PLEKHH2: variants seen among roughly 807,000 people sequenced by gnomAD.
PLEKHH2 encodes pleckstrin homology domain-containing family H member 2.
In PLEKHH2, 129 loss-of-function variants were observed where a neutral mutation model predicts 187.9. The ratio of observed to expected loss-of-function variants is 0.69; its 90% CI spans 0.59 to 0.79. PLEKHH2 has a LOEUF of 0.79. PLEKHH2 is among the 30% of genes least tolerant of loss of function. The pLI, the probability that PLEKHH2 is intolerant of heterozygous loss-of-function variation, is 0.00. For missense variants in PLEKHH2, 2,076 were observed against 1,751.2 expected (o/e 1.19, Z -3.31); for synonymous variants, 686 against 605.6 (o/e 1.13, Z -1.95).
intron 15 of PLEKHH2, among the ~76,000 whole-genome samples, chr2:43,713,968 T>C (rs1303985419): frequency 6.6e-6 from 1 of 152,208 alleles, no homozygotes; most frequent in African/African-American, 2.4e-5. Context: ...AAATATACTA[T>C]GTACTATGTT....
At chr2:43,726,518 T>C in intron 17 of PLEKHH2, 67 bp downstream of exon 17, 1 of 1,418,698 alleles carries the variant, frequency 7.0e-7, no homozygotes, top group Non-Finnish European at 9.7e-7. Flanking sequence ...TTGGTAATAA[T>C]TATCAAATCA....
intron 9 of PLEKHH2, among the ~76,000 whole-genome samples, chr2:43,704,964 C>T (rs1669584779): frequency 6.6e-6 from 1 of 152,144 alleles, no homozygotes; most frequent in South Asian, 2.1e-4. Context: ...GGCATTTCAG[C>T]TGTTTAAAAT....
intron 29 of PLEKHH2, 130 bp downstream of exon 29, chr2:43,764,495 G>T: frequency 1.1e-6 from 1 of 907,414 alleles, no homozygotes; most frequent in Non-Finnish European, 1.6e-6. Context: ...CATTCCAGAT[G>T]GGAAAACAGA....
At chr2:43,670,137 G>A (rs1296933085) in intron 2 of PLEKHH2, among the ~76,000 whole-genome samples, 1 of 115,930 alleles carries the variant, frequency 8.6e-6, no homozygotes, top group African/African-American at 3.2e-5. Context: ...TAGGTATTTA[G>A]GCAAAAACAA....
At chr2:43,679,538 C>G in intron 3 of PLEKHH2, 1 of 330,528 alleles carries the variant, frequency 3.0e-6, no homozygotes, top group Admixed American at 4.3e-5. Flanking sequence ...CTCTGTGGCC[C>G]AGGCTGGAGT....
chr2:43,681,026 A>G, intron 3 of PLEKHH2: 1 of 1,280,724 alleles, frequency 7.8e-7, no homozygotes, highest in Non-Finnish European at 1.1e-6. Flanking sequence ...TTCCCTCAGA[A>G]TGCCAACTGG....
In PLEKHH2 at chr2:43,675,358, CTAT is replaced by C. The variant is rs1667694581; in HGVS notation, c.124-3500_124-3498del. 1.9e-6 allele frequency: 3 copies of C among 1,540,888 alleles called. No homozygotes were observed. In the South Asian group the frequency reaches 3.9e-5, roughly 20 times the overall value. ...TCAAGTGCTCTTGGACAGCACAGGT[CTAT>C]TATTCTCCAGGCCTCAGTCATTTTC... is the stretch of plus-strand genomic sequence containing the variant. On this transcript the variant is annotated intron_variant, in intron 2 of 29. Transcript: ENST00000282406.
At chr2:43,676,107 A>G in intron 2 of PLEKHH2, 2 of 1,613,948 alleles carry the variant, frequency 1.2e-6, no homozygotes, top group Non-Finnish European at 1.7e-6. Context: ...CAAAGATGAT[A>G]CAGAAAACAC....
rs1669274956 is a variant in PLEKHH2, at chr2:43,699,965, T to G, written c.1007T>G (p.Phe336Cys). 1 of 1,614,008 alleles carries G rather than the reference T, an allele frequency of 6.2e-7. No homozygotes were observed. The highest frequency in any genetic ancestry group is 1.3e-5 in the African/African-American group (1 of 74,902). The change falls in exon 8 of 30, where the codon TTT becomes TGT. Residue 336 changes from phenylalanine (F) to cysteine (C), a missense_variant. Physicochemically the swap from Phe to Cys is radical, Grantham distance 205 (BLOSUM62 -2). Transcript: ENST00000282406. ...LTASDDSSSI[F>C]EEETFGIKRP... ...GCATCTGATGACAGCAGCTCTATAT[T>G]TGAGGAAGAGACTTTTGGCATAAAG...
chr2:43,726,389 A>G lies in PLEKHH2; in HGVS notation c.2659A>G (p.Ile887Val), dbSNP rs1166621692. The G allele has an allele frequency of 3.1e-6, 5 of 1,611,332 alleles. No individual in the cohort carries two copies. In the South Asian group the frequency reaches 5.5e-5, roughly 18 times the overall value. ...AAGTCTGTTATCCACACATTATACT[A>G]TCGTTATCCATCCCAAAGACCAAGG... ...GRSLLSTHYTIVIHPKDQGPT... is the reference protein window; with the variant it reads ...GRSLLSTHYTVVIHPKDQGPT... Residue 887 changes from isoleucine (I) to valine (V), a missense_variant, in exon 17 of 30, where the codon ATC (isoleucine) becomes GTC (valine). Transcript: ENST00000282406.
rs1669289016 is a variant in PLEKHH2 at position 43,700,169 on chromosome 2, C to T, written c.1211C>T (p.Ala404Val). The change falls in exon 8 of 30, where the codon GCC becomes GTC. Residue 404 changes from alanine to valine, a missense_variant. Ala to Val is a moderately conservative substitution (Grantham distance 64). Coordinates refer to ENST00000282406, the MANE Select transcript of PLEKHH2 (RefSeq NM_172069.4). ...GATTATTCATCTTCATCGAGTGAAG[C>T]CAACACCCCAAGCCCTATTTTGACC... The part of the protein sequence containing the change: ...RLDYSSSSSE[A>V]NTPSPILTPA... The T allele has an allele frequency of 2.5e-6, 4 of 1,614,038 alleles. No homozygotes were observed. Among genetic ancestry groups the T allele is most frequent in the African/African-American group, 2.7e-5 (2 of 74,986 alleles).
At chr2:43,758,221 A>G (rs1160048115) in intron 26 of PLEKHH2, among the ~76,000 whole-genome samples, 3 of 152,126 alleles carry the variant, frequency 2.0e-5, no homozygotes, top group Non-Finnish European at 4.4e-5. Flanking sequence ...CTAAAATTCT[A>G]CCATCAGGGA....
At chr2:43,650,779 G>A (rs902265352) in intron 2 of PLEKHH2, among the ~76,000 whole-genome samples, 3 of 151,716 alleles carry the variant, frequency 2.0e-5, no homozygotes, top group African/African-American at 7.3e-5. Context: ...CCAAGTAGCT[G>A]GGACTACAGT....
chr2:43,638,037 T>C (rs1304821614), intron 1 of PLEKHH2, among the ~76,000 whole-genome samples: 1 of 152,182 alleles, frequency 6.6e-6, no homozygotes, highest in Non-Finnish European at 1.5e-5. Context: ...GTGGGCTACC[T>C]GAGGGTCACT....
chr2:43,678,446 G>A (rs1046924434), intron 2 of PLEKHH2, among the ~76,000 whole-genome samples: 6 of 152,220 alleles, frequency 3.9e-5, no homozygotes, highest in African/African-American at 1.4e-4. Flanking sequence ...ACGAGGCTCC[G>A]TCTGCAATCC....
intron 2 of PLEKHH2, among the ~76,000 whole-genome samples, chr2:43,678,440 G>A (rs531385788): frequency 9.2e-5 from 14 of 152,342 alleles, no homozygotes; most frequent in African/African-American, 3.1e-4. Context: ...GAGTGAACGA[G>A]GCTCCGTCTG....
chr2:43,638,765 T>G (rs1558394952), intron 1 of PLEKHH2, among the ~76,000 whole-genome samples: 1 of 152,056 alleles, frequency 6.6e-6, no homozygotes, highest in African/African-American at 2.4e-5. Flanking sequence ...AAATTAGAAT[T>G]TTTAACTACC....
Position 43,641,933 on chromosome 2 carries a change from C to A in PLEKHH2, c.-3-2738C>A, listed in dbSNP as rs527371729. On this transcript the variant is annotated intron_variant, in intron 1 of 29. Coordinates refer to ENST00000282406, the MANE Select transcript of PLEKHH2 (RefSeq NM_172069.4). ...AAATAGTAACATGTGAGTCCTCCAA[C>A]TTTTCAATTTTATTTTGTCTATTCT... is the stretch of plus-strand genomic sequence containing the variant. Among the ~76,000 whole-genome samples, 26 of 152,290 alleles carry A rather than the reference C, an allele frequency of 1.7e-4. No individual in the cohort carries two copies. In the South Asian group the frequency reaches 5.2e-3, roughly 30 times the overall value.
chr2:43,720,808 CTTT>C (rs1427554796), intron 16 of PLEKHH2, 59 bp downstream of exon 16: 1 of 1,533,894 alleles, frequency 6.5e-7, no homozygotes, highest in Non-Finnish European at 8.7e-7. Flanking sequence ...AGGGCTTAAA[CTTT>C]TCCTTTTCTC....
Sources: allele counts gnomAD v4.1 joint callset (sites outside exome capture counted in the v4.1 genomes callset), GRCh38; gene constraint gnomAD v4.1.1; transcripts MANE v1.5; gene names NCBI Gene and HGNC (gene_info 2026-07-23, HGNC 2026-07-21).